USP8: variants seen among roughly 807,000 people sequenced by gnomAD.
USP8 encodes the protein ubiquitin carboxyl-terminal hydrolase 8.
USP8 carries 27 observed loss-of-function variants against 130.0 expected under a neutral mutation model. That is an observed-to-expected ratio of 0.21 (90% CI 0.15 to 0.29). The LOEUF is 0.29. Among genes scored for constraint, USP8 ranks in the 10% least tolerant of loss-of-function variants. The probability of loss-of-function intolerance (pLI) is 1.00; values close to 1 mark genes in which losing one functional copy is unlikely to be tolerated. For synonymous variants in USP8, 392 were observed against 444.1 expected (o/e 0.88, Z 1.48); for missense variants, 1,029 against 1,312.2 (o/e 0.78, Z 3.33).
chr15:50,435,059 T>A (rs2050055069), intron 1 of USP8, among the ~76,000 whole-genome samples: 1 of 152,252 alleles, frequency 6.6e-6, no homozygotes, highest in Admixed American at 6.5e-5. Context: ...GCTGCTGTTT[T>A]ATTTTTTTTA....
rs950859977 is a variant in USP8, at chr15:50,502,732, A to T, written c.*3644A>T. 1.3e-5 allele frequency: 2 copies of T among 152,296 alleles called. No homozygotes were observed. The highest frequency in any genetic ancestry group is 4.8e-5 in the African/African-American group (2 of 41,450). 9.4% of individuals were successfully genotyped at this position (152,296 alleles called of 1,614,324 possible). A position where few individuals can be genotyped will look rare whatever the true frequency, so the allele number is the denominator to read the frequency against. On this transcript the variant is annotated 3_prime_UTR_variant, in exon 20 of 20. Coordinates refer to ENST00000307179, the MANE Select transcript of USP8 (RefSeq NM_005154.5). ...AGGCTGTACATGAATTCCTAGGCAC[A>T]AGCAGTCCTCTCACTTCAGGCCCCC...
intron 16 of USP8, among the ~76,000 whole-genome samples, chr15:50,495,332 A>G (rs1041105127): frequency 1.9e-5 from 1 of 51,410 alleles, no homozygotes; most frequent in African/African-American, 9.9e-5. Context: ...ATATACACAT[A>G]TATATACACA....
chr15:50,442,743 C>T (rs943173926), intron 3 of USP8, among the ~76,000 whole-genome samples: 1 of 152,058 alleles, frequency 6.6e-6, no homozygotes, highest in African/African-American at 2.4e-5. Flanking sequence ...CGATAGACTC[C>T]ATCTCAAAAA....
rs145387502 is a variant in USP8 at position 50,472,835 on chromosome 15, G to A, written c.849+1040G>A. On this transcript the variant is annotated intron_variant, in intron 8 of 19. Coordinates refer to ENST00000307179, the MANE Select transcript of USP8 (RefSeq NM_005154.5). ...TGAGGTAGGAGAATCGATTGAACCC[G>A]GGAGGTGGAGGTTGCGGTCAGCCAA... 7.1e-3 allele frequency among the ~76,000 whole-genome samples: 1,076 copies of A among 152,138 alleles called. 19 individuals carry two copies. Among genetic ancestry groups the A allele is most frequent in the African/African-American group, 0.025 (1,039 of 41,500 alleles).
At chr15:50,490,167 A>G in intron 13 of USP8, 96 bp from the exon 14 acceptor site, 1 of 1,316,702 alleles carries the variant, frequency 7.6e-7, no homozygotes, top group Non-Finnish European at 1.0e-6. Context: ...TTTAATCCAA[A>G]AGTAAATTTA....
At chr15:50,433,243 A>T (rs552419507) in intron 1 of USP8, among the ~76,000 whole-genome samples, 2 of 152,302 alleles carry the variant, frequency 1.3e-5, no homozygotes, top group East Asian at 3.9e-4. Flanking sequence ...CCAAAAAAAA[A>T]AAAAGTTATT....
intron 12 of USP8, 38 bp downstream of exon 12, chr15:50,484,399 G>T: frequency 3.4e-6 from 5 of 1,476,876 alleles, no homozygotes; most frequent in Non-Finnish European, 4.7e-6. Context: ...GGAAAAAAAA[G>T]CCAAACATGG....
intron 12 of USP8, among the ~76,000 whole-genome samples, chr15:50,489,072 CA>C (rs1346161483): frequency 6.6e-6 from 1 of 152,080 alleles, no homozygotes; most frequent in Non-Finnish European, 1.5e-5. Flanking sequence ...GGTGGTTCAT[CA>C]GGCGTTTTTG....
At chr15:50,464,706 A>C (rs1461602675) in intron 6 of USP8, among the ~76,000 whole-genome samples, 1 of 152,106 alleles carries the variant, frequency 6.6e-6, no homozygotes, top group African/African-American at 2.4e-5. Context: ...AAAATACAAA[A>C]ATTAGCCAGG....
In USP8 at chr15:50,465,138, G is replaced by T; in HGVS notation, c.633G>T (p.Gln211His). 1 of 1,613,944 alleles carries T rather than the reference G, an allele frequency of 6.2e-7. No individual in the cohort carries two copies. Among genetic ancestry groups the T allele is most frequent in the Non-Finnish European group, 8.5e-7 (1 of 1,179,882 alleles). ...ATGCTCGAAGAATGCAGGATTATCA[G>T]GATTCCTGTATTTTACATTCTCTCA... ...IMDARRMQDYQDSCILHSLSV... is the reference protein window; with the variant it reads ...IMDARRMQDYHDSCILHSLSV... The change falls in exon 7 of 20, where the codon CAG (glutamine) becomes CAT (histidine). Residue 211 changes from glutamine (Q) to histidine (H), a missense_variant. Gln to His is a conservative substitution (Grantham distance 24, BLOSUM62 0). Coordinates refer to ENST00000307179, the MANE Select transcript of USP8 (RefSeq NM_005154.5).
intron 7 of USP8, among the ~76,000 whole-genome samples, chr15:50,470,697 G>C (rs966116127): frequency 6.6e-6 from 1 of 151,390 alleles, no homozygotes; most frequent in Non-Finnish European, 1.5e-5. Context: ...CCGCCTCCCA[G>C]GTTCAAGCAA....
chr15:50,481,307 A>G (rs901377227), intron 10 of USP8, among the ~76,000 whole-genome samples, 174 bp from the exon 11 acceptor site: 2 of 152,350 alleles, frequency 1.3e-5, no homozygotes, highest in East Asian at 3.9e-4. Flanking sequence ...TTGAATATCT[A>G]CCATTCAAGT....
chr15:50,498,465 A>G (rs1415121822), intron 18 of USP8, 131 bp from the exon 19 acceptor site: 2 of 1,212,722 alleles, frequency 1.6e-6, no homozygotes, highest in South Asian at 1.9e-5. Flanking sequence ...AGGTTCCTCT[A>G]CTACTAAAAT....
intron 1 of USP8, 119 bp from the exon 2 acceptor site, chr15:50,438,890 A>G (rs1000457550): frequency 6.3e-6 from 3 of 478,076 alleles, no homozygotes; most frequent in African/African-American, 6.1e-5. Context: ...AGATATTCTA[A>G]ACAATTTAAA....
chr15:50,512,760 C>T lies in USP8; in HGVS notation c.*13672C>T, dbSNP rs1452320156. 1 of 152,072 alleles carries T rather than the reference C, an allele frequency of 6.6e-6. No homozygotes were observed. Among genetic ancestry groups the T allele is most frequent in the African/African-American group, 2.4e-5 (1 of 41,412 alleles). 9.4% of individuals were successfully genotyped at this position (152,072 alleles called of 1,614,324 possible). The stretch of plus-strand genomic sequence containing the variant: ...TGAGCCGAGATCACACCACCGCACT[C>T]CAGCCTGGGCGACAGAGCCAGACTC... On this transcript the variant is annotated 3_prime_UTR_variant, in exon 20 of 20. Coordinates refer to ENST00000307179, the MANE Select transcript of USP8 (RefSeq NM_005154.5).
Position 50,471,626 on chromosome 15 carries a change from A to G in USP8, c.687-7A>G. ...TTTGCCCCAATTTAAATATTAATAC[A>G]TTTCAGAGTCACTGCTAGTTGGATT... On this transcript the variant is annotated splice_polypyrimidine_tract_variant and splice_region_variant and intron_variant, in intron 7 of 19. Coordinates refer to ENST00000307179, the MANE Select transcript of USP8 (RefSeq NM_005154.5). 6.2e-7 allele frequency: 1 copy of G among 1,608,900 alleles called. No individual in the cohort carries two copies. The highest frequency in any genetic ancestry group is 8.5e-7 in the Non-Finnish European group (1 of 1,179,116).
At position 50,512,036 on chromosome 15, in the gene USP8, G is replaced by C. The variant is rs1314910474; in HGVS notation, c.*12948G>C. 1.3e-5 allele frequency: 2 copies of C among 151,960 alleles called. No homozygotes were observed. Among genetic ancestry groups the C allele is most frequent in the Non-Finnish European group, 2.9e-5 (2 of 67,984 alleles). 9.4% of individuals were successfully genotyped at this position (151,960 alleles called of 1,614,324 possible). A position where few individuals can be genotyped will look rare whatever the true frequency, so the allele number is the denominator to read the frequency against. On this transcript the variant is annotated 3_prime_UTR_variant, in exon 20 of 20. Coordinates refer to ENST00000307179, the MANE Select transcript of USP8 (RefSeq NM_005154.5). The stretch of plus-strand genomic sequence containing the variant: ...TAAAATTTTAAAAATACGCAGAATA[G>C]GCACATCTATAGAAATATATAAAGT...
intron 14 of USP8, among the ~76,000 whole-genome samples, chr15:50,491,556 C>T (rs2052168596): frequency 6.6e-6 from 1 of 152,158 alleles, no homozygotes; most frequent in East Asian, 1.9e-4. Flanking sequence ...CACACGAGTA[C>T]ATGCACCTGA....
At chr15:50,481,245 C>A (rs2051756684) in intron 10 of USP8, among the ~76,000 whole-genome samples, 1 of 152,144 alleles carries the variant, frequency 6.6e-6, no homozygotes, top group Non-Finnish European at 1.5e-5. Context: ...ATACAAAACA[C>A]TCAGGAAGAA....
Sources: allele counts gnomAD v4.1 joint callset (sites outside exome capture counted in the v4.1 genomes callset), GRCh38; gene constraint gnomAD v4.1.1; transcripts MANE v1.5; gene names NCBI Gene and HGNC (gene_info 2026-07-23, HGNC 2026-07-21).